Variants in SGSM2 observed in about 807,000 individuals in gnomAD.
SGSM2 encodes small G protein signaling modulator 2, also known as RUN and TBC1 domain containing 1.
In SGSM2, 89 loss-of-function variants were observed where a neutral mutation model predicts 126.6. The ratio of observed to expected loss-of-function variants is 0.70; its 90% CI spans 0.59 to 0.84. The LOEUF is 0.84. Ranked by LOEUF, SGSM2 falls within the 40% of genes least tolerant of loss-of-function variation. The probability of loss-of-function intolerance (pLI) is 0.00; values close to 1 mark genes in which losing one functional copy is unlikely to be tolerated. For synonymous variants in SGSM2, 614 were observed against 574.3 expected, an observed-to-expected ratio of 1.07 and a Z score of -0.99; for missense variants, 1,404 against 1,416.6, an observed-to-expected ratio of 0.99 and a Z score of 0.14.
At position 2,349,937 on chromosome 17, in the gene SGSM2, A is replaced by G. The variant is rs560003211; in HGVS notation, c.133+6317A>G. Among the ~76,000 whole-genome samples, 317 of 151,860 alleles carry G rather than the reference A, an allele frequency of 2.1e-3. 4 individuals carry two copies. The highest frequency in any genetic ancestry group is 0.015 in the South Asian group (71 of 4,804). The stretch of plus-strand genomic sequence containing the variant: ...CAAGTAGCTGGGACTACAGGCGCCC[A>G]CCACCACGCTCGGCTAATTTTTTGT... On this transcript the variant is annotated intron_variant, in intron 2 of 23. Coordinates refer to ENST00000268989, the MANE Select transcript of SGSM2 (RefSeq NM_014853.3).
chr17:2,340,450 A>C (rs2064299166), intron 1 of SGSM2, among the ~76,000 whole-genome samples: 1 of 152,104 alleles, frequency 6.6e-6, no homozygotes, highest in Non-Finnish European at 1.5e-5. Context: ...GTGCTTAGAA[A>C]CTGGACTATA....
Position 2,376,133 on chromosome 17 carries a change from C to A in SGSM2, c.2485-4C>A. The A allele has an allele frequency of 6.2e-7, 1 of 1,614,026 alleles. No homozygotes were observed. Among genetic ancestry groups the A allele is most frequent in the Non-Finnish European group, 8.5e-7 (1 of 1,179,988 alleles). Reference sequence around the variant, plus strand: ...TCATGCCTGAGGGCCCTCCACTCTTCCAGATAGAATTACTGGACACTGTGG... The same window carrying A: ...TCATGCCTGAGGGCCCTCCACTCTTACAGATAGAATTACTGGACACTGTGG... On this transcript the variant is annotated splice_polypyrimidine_tract_variant and splice_region_variant and intron_variant, in intron 18 of 23. Coordinates refer to ENST00000268989, the MANE Select transcript of SGSM2 (RefSeq NM_014853.3).
chr17:2,365,199 A>C lies in SGSM2; in HGVS notation c.1162-16A>C, dbSNP rs1208280141. 1.9e-6 allele frequency: 3 copies of C among 1,604,336 alleles called. No individual in the cohort carries two copies. The Admixed American group carries it at 5.0e-5, about 27-fold the overall frequency. On this transcript the variant is annotated splice_polypyrimidine_tract_variant and intron_variant, in intron 10 of 23. Transcript: ENST00000268989. ...TCTGCCCTATACAGCCCGACCACCT[A>C]CCCCTCCTTCCACAGGGGAAAGTGT...
intron 2 of SGSM2, among the ~76,000 whole-genome samples, chr17:2,350,866 C>T (rs1177150568): frequency 6.6e-6 from 1 of 152,212 alleles, no homozygotes; most frequent in Non-Finnish European, 1.5e-5. Flanking sequence ...CATCACCCAG[C>T]ATCCATTGAG....
Position 2,363,356 on chromosome 17 carries a change from G to A in SGSM2, c.673-109G>A. 6.5e-7 allele frequency: 1 copy of A among 1,531,228 alleles called. No homozygotes were observed. Among genetic ancestry groups the A allele is most frequent in the Non-Finnish European group, 8.8e-7 (1 of 1,134,146 alleles). 94.9% of individuals were successfully genotyped at this position (1,531,228 alleles called of 1,614,324 possible). A position where few individuals can be genotyped will look rare whatever the true frequency, so the allele number is the denominator to read the frequency against. On this transcript the variant is annotated intron_variant, in intron 6 of 23. Coordinates refer to ENST00000268989, the MANE Select transcript of SGSM2 (RefSeq NM_014853.3). This position sits in a 1 kb window ranked among gnomAD's most constrained non-coding sequence, Gnocchi z 4.2. ...GGTGGCTGGGAGTAAACCGGGGCAGGAAGGACCCCTGGGGTCAGCTGGAGA... is the reference window on the plus strand; with the variant it reads ...GGTGGCTGGGAGTAAACCGGGGCAGAAAGGACCCCTGGGGTCAGCTGGAGA...
In SGSM2 at chr17:2,375,489, C is replaced by T. The variant is rs769044757; in HGVS notation, c.2101-3C>T. 6 of 1,604,252 alleles carry T rather than the reference C, an allele frequency of 3.7e-6. No individual in the cohort carries two copies. The African/African-American group carries it at 4.0e-5, about 11-fold the overall frequency. On this transcript the variant is annotated splice_polypyrimidine_tract_variant and splice_region_variant and intron_variant, in intron 17 of 23. Coordinates refer to ENST00000268989, the MANE Select transcript of SGSM2 (RefSeq NM_014853.3). Reference sequence around the variant, plus strand: ...GTGGAGCCGCCCTGTGTTCACCCCCCAGGTGTTTATCTCAGTGGATGATCT... The same window carrying T: ...GTGGAGCCGCCCTGTGTTCACCCCCTAGGTGTTTATCTCAGTGGATGATCT...
intron 2 of SGSM2, among the ~76,000 whole-genome samples, chr17:2,352,878 C>T (rs9303051): frequency 0.46 from 48,335 of 105,402 alleles, 12,289 homozygotes; most frequent in East Asian, 0.7. Context: ...CCCGGGTTCA[C>T]GCCATTCTCC....
In SGSM2 at chr17:2,364,973, C is replaced by A. The variant is rs772931557; in HGVS notation, c.1077C>A (p.His359Gln). ...RPPLHFPQGG[H>Q]LLSFLSCLEN... ...CGCTGCATTTCCCACAGGGAGGACA[C>A]CTGCTGTCCTTTCTGTCCTGTCTGG... The change falls in exon 10 of 24, where the codon CAC becomes CAA. Residue 359 changes from histidine (H) to glutamine (Q), a missense_variant. His to Gln is a conservative substitution (Grantham distance 24, BLOSUM62 0). Transcript: ENST00000268989. The A allele has an allele frequency of 8.1e-6, 13 of 1,613,514 alleles. No homozygotes were observed. Among genetic ancestry groups the A allele is most frequent in the African/African-American group, 4.0e-5 (3 of 74,936 alleles).
At position 2,344,784 on chromosome 17, in the gene SGSM2, C is replaced by T. The variant is rs187261711; in HGVS notation, c.133+1164C>T. 1.0e-3 allele frequency among the ~76,000 whole-genome samples: 154 copies of T among 152,302 alleles called. 2 individuals carry two copies. The highest frequency in any genetic ancestry group is 3.5e-3 in the African/African-American group (147 of 41,572). Reference sequence around the variant, plus strand: ...TGACAGACTGGGGTTTGAATCCTGGCGTCCTGCCTTTTAAGTCGTCTTGGA... The same window carrying T: ...TGACAGACTGGGGTTTGAATCCTGGTGTCCTGCCTTTTAAGTCGTCTTGGA... On this transcript the variant is annotated intron_variant, in intron 2 of 23. Transcript: ENST00000268989.
intron 2 of SGSM2, among the ~76,000 whole-genome samples, chr17:2,359,232 C>A (rs992514124): frequency 2.0e-5 from 3 of 151,816 alleles, no homozygotes; most frequent in Non-Finnish European, 2.9e-5. Context: ...CTCTCGGGGC[C>A]ATAGTTCTCA....
In SGSM2 at chr17:2,379,521, G is replaced by C. The variant is rs1273033187; in HGVS notation, c.*1G>C. 8 of 1,610,690 alleles carry C rather than the reference G, an allele frequency of 5.0e-6. No individual in the cohort carries two copies. The highest frequency in any genetic ancestry group is 5.1e-6 in the Non-Finnish European group (6 of 1,177,682). Reference sequence around the variant, plus strand: ...GCAGATGCTCATAGAGAACAAGTGAGCTGGGGCCAGGAGGCAGCAGCCGTG... The same window carrying C: ...GCAGATGCTCATAGAGAACAAGTGACCTGGGGCCAGGAGGCAGCAGCCGTG... On this transcript the variant is annotated 3_prime_UTR_variant, in exon 24 of 24. Coordinates refer to ENST00000268989, the MANE Select transcript of SGSM2 (RefSeq NM_014853.3).
intron 2 of SGSM2, among the ~76,000 whole-genome samples, chr17:2,360,702 C>T (rs2065271599): frequency 6.6e-6 from 1 of 152,278 alleles, no homozygotes; most frequent in African/African-American, 2.4e-5. Context: ...GTCTGACTGT[C>T]TCCAGCACAG....
chr17:2,348,901 A>G (rs1420037837), intron 2 of SGSM2, among the ~76,000 whole-genome samples: 1 of 152,036 alleles, frequency 6.6e-6, no homozygotes, highest in African/African-American at 2.4e-5. Context: ...AGCTGGGTCT[A>G]CAGGTCTACG....
At chr17:2,368,314 G>C (rs912114269) in intron 12 of SGSM2, among the ~76,000 whole-genome samples, 1 of 152,162 alleles carries the variant, frequency 6.6e-6, no homozygotes, top group Non-Finnish European at 1.5e-5. Flanking sequence ...TCAGCCAGGC[G>C]ACCTGTGAGG....
In SGSM2 at chr17:2,380,322, A is replaced by G. The variant is rs1351138232; in HGVS notation, c.*802A>G. The G allele has an allele frequency of 6.5e-7, 1 of 1,535,166 alleles. No individual in the cohort carries two copies. The highest frequency in any genetic ancestry group is 2.4e-5 in the East Asian group (1 of 40,926). On this transcript the variant is annotated 3_prime_UTR_variant, in exon 24 of 24. Coordinates refer to ENST00000268989, the MANE Select transcript of SGSM2 (RefSeq NM_014853.3). Reference sequence around the variant, plus strand: ...TGCTTTTGCCAGTGGATGATCTGGAATGCGACCGGAGCACTTGCTCTGAGG... The same window carrying G: ...TGCTTTTGCCAGTGGATGATCTGGAGTGCGACCGGAGCACTTGCTCTGAGG...
intron 3 of SGSM2, 145 bp downstream of exon 3, chr17:2,361,944 G>A (rs2065328024): frequency 7.6e-7 from 1 of 1,323,322 alleles, no homozygotes; most frequent in Non-Finnish European, 1.0e-6. Context: ...TGAGGGAGGG[G>A]ATTGGTTCCT....
intron 21 of SGSM2, 43 bp downstream of exon 21, chr17:2,377,111 T>A (rs1328586458): frequency 3.1e-6 from 4 of 1,288,938 alleles, no homozygotes; most frequent in South Asian, 2.5e-5. Context: ...CAGGCAGTGC[T>A]GGGCTGGTCC....
chr17:2,364,945 C>T lies in SGSM2; in HGVS notation c.1049C>T (p.Pro350Leu), dbSNP rs779416894. 1.3e-5 allele frequency: 21 copies of T among 1,612,876 alleles called. No homozygotes were observed. Among genetic ancestry groups the T allele is most frequent in the East Asian group, 2.2e-5 (1 of 44,888 alleles). The part of the protein sequence containing the change: ...VLVSQDGIQR[P>L]PLHFPQGGHL... ...GTGAGCCAGGATGGCATCCAGAGGC[C>T]GCCGCTGCATTTCCCACAGGGAGGA... Residue 350 changes from proline to leucine, a missense_variant, in exon 10 of 24, where the codon CCG becomes CTG. Pro to Leu is a moderately conservative substitution (Grantham distance 98, BLOSUM62 -3). Coordinates refer to ENST00000268989, the MANE Select transcript of SGSM2 (RefSeq NM_014853.3).
At chr17:2,350,082 T>C (rs1024544904) in intron 2 of SGSM2, among the ~76,000 whole-genome samples, 2 of 152,020 alleles carry the variant, frequency 1.3e-5, no homozygotes, top group African/African-American at 4.8e-5. Context: ...CCACCACGCC[T>C]GGCCTAATTT....
Sources: gnomAD v4.1 joint callset for allele counts (sites outside exome capture counted in the v4.1 genomes callset) on GRCh38, gnomAD v4.1.1 for gene constraint, Gnocchi (gnomAD v3.1) non-coding constraint, MANE v1.5 for transcripts, NCBI Gene and HGNC (gene_info 2026-07-23, HGNC 2026-07-21) for gene names.